EBF4: variants seen among roughly 807,000 people sequenced by gnomAD.
The protein encoded by EBF4 is transcription factor COE4.
A neutral mutation model predicts 67.1 loss-of-function variants in EBF4; 34 were observed. That is an observed-to-expected ratio of 0.51 (90% CI 0.39 to 0.67). The LOEUF (loss-of-function observed/expected upper bound fraction) is 0.67. Ranked by LOEUF, EBF4 falls within the 30% of genes least tolerant of loss-of-function variation. EBF4 has a pLI of 0.00. For missense variants in EBF4, 837 were observed against 873.3 expected (o/e 0.96, Z 0.52); for synonymous variants, 387 against 377.7 (o/e 1.02, Z -0.29).
chr20:2,751,862 G>A lies in EBF4; in HGVS notation c.1108-60G>A. ...AGGGGGTGAGGAGGGGCTCCCGAGG[G>A]CCCCTTGGTCGCCCCCAGGGGCTGC... On this transcript the variant is annotated intron_variant, in intron 11 of 16. Transcript: ENST00000609451. This position sits in a 1 kb window ranked among gnomAD's most constrained non-coding sequence, Gnocchi z 5.2. 1 of 1,548,342 alleles carries A rather than the reference G, an allele frequency of 6.5e-7. No homozygotes were observed. Among genetic ancestry groups the A allele is most frequent in the Non-Finnish European group, 8.7e-7 (1 of 1,146,158 alleles).
chr20:2,704,948 C>T (rs948795901), intron 1 of EBF4, among the ~76,000 whole-genome samples: 5 of 152,254 alleles, frequency 3.3e-5, no homozygotes, highest in African/African-American at 9.6e-5. Flanking sequence ...AGAAGTTCCT[C>T]CTGCCCAAGG....
At chr20:2,712,005 CAAG>C (rs2146401404) in intron 6 of EBF4, among the ~76,000 whole-genome samples, 1 of 152,054 alleles carries the variant, frequency 6.6e-6, no homozygotes, top group Non-Finnish European at 1.5e-5. Context: ...TAAGGGAAAA[CAAG>C]GAGGCCCAGG....
intron 6 of EBF4, among the ~76,000 whole-genome samples, chr20:2,710,656 G>A (rs2087530411): frequency 6.6e-6 from 1 of 151,650 alleles, no homozygotes; most frequent in Non-Finnish European, 1.5e-5. Flanking sequence ...GCATTCATAG[G>A]TGCAAAAATT....
chr20:2,693,528 A>C, upstream of EBF4: 1 of 1,221,112 alleles, frequency 8.2e-7, no homozygotes, highest in Non-Finnish European at 1.0e-6. This position sits in a 1 kb window ranked among gnomAD's most constrained non-coding sequence, Gnocchi z 4.6. Flanking sequence ...AGCCACCCGG[A>C]CTCGGCGCTG....
chr20:2,720,164 C>G (rs1436918379), intron 6 of EBF4, among the ~76,000 whole-genome samples: 1 of 152,090 alleles, frequency 6.6e-6, no homozygotes, highest in Non-Finnish European at 1.5e-5. Context: ...TATAGTCACA[C>G]TAGCTCCCTG....
chr20:2,735,352 A>AACAGGGCTGGGG (rs2146456594), intron 6 of EBF4, among the ~76,000 whole-genome samples: 1 of 152,362 alleles, frequency 6.6e-6, no homozygotes, highest in East Asian at 1.9e-4. Flanking sequence ...GCTGGTCTTC[A>AACAGGGCTGGGG]ACAGGGCTGG....
At chr20:2,692,880 G>T (rs1459506581), upstream of EBF4, 1 of 144,770 alleles carries the variant, frequency 6.9e-6, no homozygotes, top group African/African-American at 2.5e-5. The surrounding 1 kb of genome is among the most constrained non-coding windows in gnomAD (Gnocchi z 6.4). Context: ...GGGCGGCGGC[G>T]GCCGCGGCGG....
chr20:2,750,161 G>T (rs2088120397), intron 10 of EBF4, among the ~76,000 whole-genome samples, 188 bp downstream of exon 10: 2 of 152,158 alleles, frequency 1.3e-5, no homozygotes, highest in Middle Eastern at 3.4e-3. Flanking sequence ...GTCTTTCCCT[G>T]GCTCTGTGTG....
At chr20:2,700,566 A>G (rs1032322276) in intron 1 of EBF4, among the ~76,000 whole-genome samples, 30 of 152,148 alleles carry the variant, frequency 2.0e-4, no homozygotes, top group Admixed American at 2.0e-3. Context: ...TGGCCCCCAC[A>G]TCCCACCTGT....
At chr20:2,706,957 C>G (rs533831206) in intron 4 of EBF4, among the ~76,000 whole-genome samples, 1 of 152,336 alleles carries the variant, frequency 6.6e-6, no homozygotes, top group African/African-American at 2.4e-5. Context: ...GAAACCTGAA[C>G]AGGCTCTGAT....
Position 2,748,912 on chromosome 20 carries a change from C to T in EBF4, c.639+282C>T, listed in dbSNP as rs181262800. 3.5e-3 allele frequency among the ~76,000 whole-genome samples: 533 copies of T among 152,306 alleles called. 3 individuals carry two copies. Among genetic ancestry groups the T allele is most frequent in the Non-Finnish European group, 5.9e-3 (403 of 68,026 alleles). On this transcript the variant is annotated intron_variant, in intron 7 of 16. Coordinates refer to ENST00000609451, the Ensembl canonical transcript of EBF4. ...TTAACGACCCAGGCAATTTGCATAGCGTGAAGCGGAGAGCAGCTGCCCTTA... is the reference window on the plus strand; with the variant it reads ...TTAACGACCCAGGCAATTTGCATAGTGTGAAGCGGAGAGCAGCTGCCCTTA...
At chr20:2,703,174 C>CT (rs1395935217) in intron 1 of EBF4, among the ~76,000 whole-genome samples, 1 of 150,944 alleles carries the variant, frequency 6.6e-6, no homozygotes, top group African/African-American at 2.4e-5. Flanking sequence ...GGAGGATTGC[C>CT]TGAGTCCCAG....
intron 10 of EBF4, among the ~76,000 whole-genome samples, chr20:2,750,952 G>A (rs2088135295): frequency 6.6e-6 from 1 of 152,162 alleles, no homozygotes; most frequent in South Asian, 2.1e-4. Context: ...AGGATCAGAG[G>A]TGAAGGTAGG....
chr20:2,694,535 T>C (rs980771714), intron 1 of EBF4, among the ~76,000 whole-genome samples: 16 of 152,162 alleles, frequency 1.1e-4, no homozygotes, highest in African/African-American at 3.9e-4. Context: ...CCAAAGCCCC[T>C]GCACCCCCTG....
At chr20:2,700,244 C>T (rs1299954530) in intron 1 of EBF4, among the ~76,000 whole-genome samples, 1 of 152,060 alleles carries the variant, frequency 6.6e-6, no homozygotes, top group East Asian at 1.9e-4. Flanking sequence ...CTTTGTCTCA[C>T]CCCCAACCCC....
chr20:2,754,421 G>A (rs1251799136), intron 14 of EBF4, among the ~76,000 whole-genome samples: 1 of 152,182 alleles, frequency 6.6e-6, no homozygotes, highest in Non-Finnish European at 1.5e-5. Context: ...GTGGCCGTGA[G>A]CCCTGGGCAT....
chr20:2,742,122 G>A (rs2087977029), intron 6 of EBF4, among the ~76,000 whole-genome samples: 2 of 152,206 alleles, frequency 1.3e-5, no homozygotes, highest in South Asian at 2.1e-4. Flanking sequence ...GACTCTGAGA[G>A]CCCCACTTAG....
chr20:2,693,902 C>A lies in EBF4; in HGVS notation c.137+120C>A. The A allele has an allele frequency of 8.3e-7, 1 of 1,202,658 alleles. No homozygotes were observed. The highest frequency in any genetic ancestry group is 1.0e-6 in the Non-Finnish European group (1 of 959,208). The allele number at this position is 1,202,658 out of a possible 1,614,324, so 74.5% of individuals were successfully genotyped here. A position where few individuals can be genotyped will look rare whatever the true frequency, so the allele number is the denominator to read the frequency against. On this transcript the variant is annotated intron_variant, in intron 1 of 16. Transcript: ENST00000609451. This position sits in a 1 kb window ranked among gnomAD's most constrained non-coding sequence, Gnocchi z 4.6. ...GAGCCCTAACTCTGGACGGTCCCGG[C>A]GAGCTCCCCGGCCCACCCCGTCCGG...
chr20:2,734,079 T>TA (rs1361469310), intron 6 of EBF4, among the ~76,000 whole-genome samples: 1 of 152,204 alleles, frequency 6.6e-6, no homozygotes, highest in Non-Finnish European at 1.5e-5. Context: ...TAGTTTCCTT[T>TA]AGTTCTATGA....
Sources: gnomAD v4.1 joint callset for allele counts (sites outside exome capture counted in the v4.1 genomes callset) on GRCh38, gnomAD v4.1.1 for gene constraint, Gnocchi (gnomAD v3.1) non-coding constraint, MANE v1.5 for transcripts, NCBI Gene and HGNC (gene_info 2026-07-23, HGNC 2026-07-21) for gene names.